Variants in CLCN4 observed in about 807,000 individuals in gnomAD.
CLCN4 encodes Cl-/H+ antiporter 4.
In CLCN4, 1 loss-of-function variant was observed where a neutral mutation model predicts 41.7. That is an observed-to-expected ratio of 0.02 (90% CI 0.01 to 0.11). The LOEUF (loss-of-function observed/expected upper bound fraction) is 0.11, where lower values mean the gene tolerates loss of function less well. CLCN4 is among the 10% of genes least tolerant of loss of function. CLCN4 has a pLI of 1.00. For missense variants in CLCN4, 287 were observed against 661.0 expected, an observed-to-expected ratio of 0.43 and a Z score of 6.20; for synonymous variants, 277 against 285.8, an observed-to-expected ratio of 0.97 and a Z score of 0.31.
intron 12 of CLCN4, among the ~76,000 whole-genome samples, chrX:10,223,236 G>A (rs945741511): frequency 4.5e-5 from 5 of 111,990 alleles, no homozygotes; most frequent in Non-Finnish European, 9.4e-5. Flanking sequence ...TGCCCATGCT[G>A]TCTCAAGTGT....
intron 11 of CLCN4, 142 bp downstream of exon 11, chrX:10,214,221 G>A (rs1924646691): frequency 3.2e-6 from 2 of 630,229 alleles, no homozygotes; most frequent in Admixed American, 4.5e-5. Flanking sequence ...TCACCCAGGG[G>A]TCTGGCTCAA....
chrX:10,171,411 G>A (rs1923384072), intron 2 of CLCN4, among the ~76,000 whole-genome samples: 1 of 111,920 alleles, frequency 8.9e-6, no homozygotes, highest in African/African-American at 3.3e-5. Context: ...TGCTGCCTTC[G>A]TTTGGGTCCT....
intron 5 of CLCN4, 39 bp downstream of exon 5, chrX:10,195,137 C>T (rs779534383): frequency 4.4e-5 from 49 of 1,117,948 alleles, no homozygotes; most frequent in Non-Finnish European, 5.3e-5. Context: ...GGACCCCTGC[C>T]GTTCCATGCG....
rs200602036 is a variant in CLCN4, at chrX:10,206,654, A to G, written c.763-42A>G. On this transcript the variant is annotated intron_variant, in intron 7 of 12. Transcript: ENST00000380833. Reference sequence around the variant, plus strand: ...CTTGCAGGTTTGCACGTTTGTTTTCATGGAAGGCCTTGAAGCTTATGTAGA... The same window carrying G: ...CTTGCAGGTTTGCACGTTTGTTTTCGTGGAAGGCCTTGAAGCTTATGTAGA... 1.0e-4 allele frequency: 120 copies of G among 1,190,555 alleles called. No homozygotes were observed. The East Asian group carries it at 3.2e-3, about 32-fold the overall frequency.
intron 6 of CLCN4, among the ~76,000 whole-genome samples, chrX:10,200,388 A>G (rs199587677): frequency 2.7e-5 from 3 of 112,604 alleles, no homozygotes; most frequent in Non-Finnish European, 5.6e-5. Context: ...TGTCTAAAAC[A>G]TCTCAGTTTG....
At chrX:10,208,692 G>A in intron 9 of CLCN4, 102 bp downstream of exon 9, 1 of 744,356 alleles carries the variant, frequency 1.3e-6, no homozygotes, top group East Asian at 3.3e-5. Flanking sequence ...AGGGGAACTG[G>A]CCTTTCTTGA....
chrX:10,173,915 T>G (rs1244355444), intron 2 of CLCN4, among the ~76,000 whole-genome samples: 3 of 112,225 alleles, frequency 2.7e-5, no homozygotes, highest in Non-Finnish European at 5.6e-5. Flanking sequence ...TGTCTCAACT[T>G]GCCACTGTGG....
chrX:10,179,984 G>A (rs992510070), intron 2 of CLCN4, among the ~76,000 whole-genome samples: 7 of 111,920 alleles, frequency 6.3e-5, no homozygotes, highest in African/African-American at 1.6e-4. Flanking sequence ...ACCAGTATGC[G>A]TGTGATGCTG....
chrX:10,215,605 A>T (rs886411779), intron 11 of CLCN4, among the ~76,000 whole-genome samples: 3 of 111,522 alleles, frequency 2.7e-5, no homozygotes, highest in Non-Finnish European at 5.6e-5. Flanking sequence ...GCCTTTAAAA[A>T]TTTTTTCATT....
intron 2 of CLCN4, among the ~76,000 whole-genome samples, chrX:10,160,514 C>T (rs1341203434): frequency 1.8e-5 from 2 of 111,295 alleles, no homozygotes; most frequent in Non-Finnish European, 3.8e-5. Context: ...GGAGCACGTC[C>T]CTGGACGTAG....
chrX:10,159,527 C>A (rs1012677920), intron 2 of CLCN4, among the ~76,000 whole-genome samples: 8 of 110,369 alleles, frequency 7.2e-5, no homozygotes, highest in African/African-American at 9.9e-5. Flanking sequence ...GAGAATGTGG[C>A]ATTATTTTCC....
At chrX:10,216,914 T>C (rs201843727) in intron 11 of CLCN4, among the ~76,000 whole-genome samples, 68 of 19,896 alleles carry the variant, frequency 3.4e-3, no homozygotes, top group East Asian at 0.038. Context: ...TATATATATA[T>C]ATATACACAC....
chrX:10,204,613 CTTTTTTTTTTTTTTTTTT>C (rs61453535), intron 6 of CLCN4, among the ~76,000 whole-genome samples: 21 of 27,349 alleles, frequency 7.7e-4, no homozygotes, highest in South Asian at 0.011. Context: ...AGCTAGTAGT[CTTTTTTTTTTTTTTTTTT>C]TTTTTTTTTT....
At chrX:10,203,512 A>T (rs1924295407) in intron 6 of CLCN4, among the ~76,000 whole-genome samples, 1 of 111,306 alleles carries the variant, frequency 9.0e-6, no homozygotes, top group African/African-American at 3.3e-5. Context: ...TCACTTCATG[A>T]CCCTCCCCAA....
At position 10,212,455 on chromosome X, in the gene CLCN4, T is replaced by G. The variant is rs748682697; in HGVS notation, c.1390-12T>G. The stretch of plus-strand genomic sequence containing the variant: ...TTTTCCCTCATGTTGCTTTTCTCTG[T>G]GTCTCCTCAAGATCCCGTCGGGCCT... On this transcript the variant is annotated splice_polypyrimidine_tract_variant and intron_variant, in intron 9 of 12. Coordinates refer to ENST00000380833, the MANE Select transcript of CLCN4 (RefSeq NM_001830.4). The G allele has an allele frequency of 5.0e-6, 6 of 1,207,619 alleles. No homozygotes were observed. The South Asian group carries it at 1.1e-4, about 21-fold the overall frequency.
chrX:10,168,504 A>G (rs1923304521), intron 2 of CLCN4, among the ~76,000 whole-genome samples: 1 of 112,423 alleles, frequency 8.9e-6, no homozygotes, highest in South Asian at 3.7e-4. Context: ...GAAAAGAGAA[A>G]GTATTTCACG....
At chrX:10,175,786 C>T (rs1049069795) in intron 2 of CLCN4, among the ~76,000 whole-genome samples, 1 of 110,715 alleles carries the variant, frequency 9.0e-6, no homozygotes, top group Non-Finnish European at 1.9e-5. Context: ...CCGAGGCACC[C>T]GGAATCTTGA....
At chrX:10,232,259 A>G (rs951124454) in intron 12 of CLCN4, among the ~76,000 whole-genome samples, 1 of 112,347 alleles carries the variant, frequency 8.9e-6, no homozygotes, top group South Asian at 3.7e-4. Context: ...AGTTTGAATA[A>G]TCAGTGTCTA....
intron 12 of CLCN4, among the ~76,000 whole-genome samples, chrX:10,230,864 T>C (rs896458358): frequency 3.6e-5 from 4 of 112,071 alleles, no homozygotes; most frequent in African/African-American, 1.3e-4. Context: ...CTAACATCCA[T>C]AGTTTACTTT....
Sources: allele counts gnomAD v4.1 joint callset (sites outside exome capture counted in the v4.1 genomes callset), GRCh38; gene constraint gnomAD v4.1.1; transcripts MANE v1.5; gene names NCBI Gene and HGNC (gene_info 2026-07-23, HGNC 2026-07-21).